GRID2: variants seen among roughly 807,000 people sequenced by gnomAD.
GRID2 encodes the protein glutamate ionotropic receptor delta type subunit 2.
Under a neutral mutation model 114.8 loss-of-function variants are expected in GRID2, and 33 were observed. That is an observed-to-expected ratio of 0.29 (90% confidence interval 0.22 to 0.38). GRID2 has a LOEUF of 0.38. GRID2 is among the 10% of genes least tolerant of loss of function. GRID2 has a pLI of 1.00. For synonymous variants in GRID2, 505 were observed against 449.9 expected (o/e 1.12, Z -1.55); for missense variants, 1,184 against 1,257.7 (o/e 0.94, Z 0.89).
intron 2 of GRID2, among the ~76,000 whole-genome samples, chr4:92,616,099 A>G (rs1446428009): frequency 2.0e-5 from 3 of 151,622 alleles, no homozygotes; most frequent in Non-Finnish European, 3.0e-5. Context: ...AGTGGATTCA[A>G]ATTAGTGTCT....
intron 8 of GRID2, among the ~76,000 whole-genome samples, chr4:93,328,707 T>A (rs371344123): frequency 1.3e-5 from 2 of 149,812 alleles, no homozygotes; most frequent in South Asian, 2.1e-4. Context: ...GGATGGATGG[T>A]TGGATGGATG....
intron 1 of GRID2, among the ~76,000 whole-genome samples, chr4:92,477,458 TTCAGTGATTACTGAGCCA>T (rs1722374658): frequency 6.6e-6 from 1 of 152,084 alleles, no homozygotes; most frequent in South Asian, 2.1e-4. Context: ...CAAACACTGT[TTCAGTGATTACTGAGCCA>T]GAGACAGTAT....
In GRID2 at chr4:93,738,782, A is replaced by T. The variant is rs550889466; in HGVS notation, c.2361-30428A>T. ...ATCTGGACAGGTAACAGATTATTAG[A>T]TTATTAGAAAGATTATTATAATATG... On this transcript the variant is annotated intron_variant, in intron 14 of 15. Coordinates refer to ENST00000282020, the MANE Select transcript of GRID2 (RefSeq NM_001510.4). Among the ~76,000 whole-genome samples the T allele has an allele frequency of 2.0e-5, 3 of 152,216 alleles. No homozygotes were observed. The East Asian group carries it at 5.8e-4, about 29-fold the overall frequency.
At chr4:92,662,233 C>T (rs1273825884) in intron 2 of GRID2, among the ~76,000 whole-genome samples, 2 of 150,854 alleles carry the variant, frequency 1.3e-5, no homozygotes, top group African/African-American at 2.4e-5. Flanking sequence ...AAGGAAACTT[C>T]TACAAGGGGT....
chr4:93,228,396 A>T (rs528218756), intron 7 of GRID2, among the ~76,000 whole-genome samples: 1 of 152,144 alleles, frequency 6.6e-6, no homozygotes, highest in East Asian at 1.9e-4. Context: ...TGAAGGCAAA[A>T]CTCTCATGAT....
chr4:92,519,912 T>C (rs926332343), intron 1 of GRID2, among the ~76,000 whole-genome samples: 3 of 151,846 alleles, frequency 2.0e-5, no homozygotes, highest in Non-Finnish European at 4.4e-5. Flanking sequence ...TCCACCCATA[T>C]TGGGGGGCGG....
At chr4:92,501,209 T>G (rs1396205649) in intron 1 of GRID2, among the ~76,000 whole-genome samples, 1 of 152,148 alleles carries the variant, frequency 6.6e-6, no homozygotes, top group Non-Finnish European at 1.5e-5. Flanking sequence ...TCAGTTGCAG[T>G]AATTGATTGA....
At chr4:92,983,572 T>A (rs1754343429) in intron 2 of GRID2, among the ~76,000 whole-genome samples, 1 of 151,988 alleles carries the variant, frequency 6.6e-6, no homozygotes. Context: ...ATATAGTATA[T>A]GATTATGAAA....
intron 4 of GRID2, among the ~76,000 whole-genome samples, chr4:93,186,887 A>G (rs977571311): frequency 2.6e-5 from 4 of 152,224 alleles, no homozygotes; most frequent in African/African-American, 9.6e-5. Flanking sequence ...TTTATAAACA[A>G]CGTAAGTTTA....
intron 14 of GRID2, among the ~76,000 whole-genome samples, chr4:93,727,628 G>T (rs1401011099): frequency 6.6e-6 from 1 of 151,984 alleles, no homozygotes; most frequent in Non-Finnish European, 1.5e-5. Flanking sequence ...GACTTTTTTT[G>T]GTTGGAAAGC....
At chr4:93,166,559 G>A (rs1394439742) in intron 4 of GRID2, among the ~76,000 whole-genome samples, 1 of 152,160 alleles carries the variant, frequency 6.6e-6, no homozygotes, top group Non-Finnish European at 1.5e-5. Flanking sequence ...ATGGCCATCT[G>A]TAAGGAATGC....
intron 1 of GRID2, among the ~76,000 whole-genome samples, chr4:92,575,476 C>T (rs1386204591): frequency 6.6e-6 from 1 of 152,134 alleles, no homozygotes; most frequent in African/African-American, 2.4e-5. Flanking sequence ...TTTGATTTTG[C>T]TGACTTTTCG....
At position 92,882,791 on chromosome 4, in the gene GRID2, TAAA is replaced by T. The variant is rs35947384; in HGVS notation, c.245-202200_245-202198del. Reference sequence around the variant, plus strand: ...TGTTAATTATTCAATAGCATATGTCTAAAAAATGTACATATTTTAATTTAAAGT... The same window carrying T: ...TGTTAATTATTCAATAGCATATGTCTAAATGTACATATTTTAATTTAAAGT... On this transcript the variant is annotated intron_variant, in intron 2 of 15. Transcript: ENST00000282020. Among the ~76,000 whole-genome samples the T allele has an allele frequency of 7.1e-3, 1,088 of 152,318 alleles. 19 individuals are homozygous for T. The highest frequency in any genetic ancestry group is 0.025 in the African/African-American group (1,035 of 41,578).
intron 1 of GRID2, among the ~76,000 whole-genome samples, chr4:92,356,585 C>A (rs752394108): frequency 2.0e-5 from 3 of 151,602 alleles, no homozygotes; most frequent in Middle Eastern, 3.4e-3. Flanking sequence ...TGTGTATGTG[C>A]AGTAAACACA....
At chr4:93,694,498 C>T (rs1033157667) in intron 14 of GRID2, among the ~76,000 whole-genome samples, 5 of 152,150 alleles carry the variant, frequency 3.3e-5, no homozygotes, top group African/African-American at 1.2e-4. Flanking sequence ...AGTTTCAATC[C>T]TCTACCACTG....
At chr4:92,874,782 G>T (rs1003428970) in intron 2 of GRID2, among the ~76,000 whole-genome samples, 1 of 152,138 alleles carries the variant, frequency 6.6e-6, no homozygotes, top group Admixed American at 6.5e-5. Context: ...AATTAAAATT[G>T]TTGTCAATTA....
At chr4:92,391,249 G>A (rs1310008962) in intron 1 of GRID2, among the ~76,000 whole-genome samples, 2 of 152,064 alleles carry the variant, frequency 1.3e-5, no homozygotes, top group Non-Finnish European at 2.9e-5. Context: ...TTTCAAGGAG[G>A]TATGAGCTCT....
chr4:93,545,934 A>G (rs189107654), intron 13 of GRID2, among the ~76,000 whole-genome samples: 84 of 152,282 alleles, frequency 5.5e-4, no homozygotes, highest in African/African-American at 2.0e-3. Flanking sequence ...TTGAAAGAGA[A>G]TATAAAATAA....
At chr4:93,278,284 T>C (rs78832600) in intron 8 of GRID2, among the ~76,000 whole-genome samples, 2,727 of 150,934 alleles carry the variant, frequency 0.018, 80 homozygotes, top group African/African-American at 0.061. Context: ...AAAAAACATG[T>C]TATTCGGTGA....
Sources: allele counts gnomAD v4.1 joint callset (sites outside exome capture counted in the v4.1 genomes callset), GRCh38; gene constraint gnomAD v4.1.1; transcripts MANE v1.5; gene names NCBI Gene and HGNC (gene_info 2026-07-23, HGNC 2026-07-21).